The following UBQLN1 variants were observed in gnomAD, a reference collection of about 807,000 sequenced individuals.
UBQLN1 encodes the protein ubiquilin 1, also known as ubiquilin-1.
UBQLN1 carries 13 observed loss-of-function variants against 65.4 expected under a neutral mutation model. That is an observed-to-expected ratio of 0.20 (90% CI 0.13 to 0.32). UBQLN1 has a LOEUF of 0.32. Among genes scored for constraint, UBQLN1 ranks in the 10% least tolerant of loss-of-function variants. UBQLN1 has a pLI of 1.00. For synonymous variants in UBQLN1, 267 were observed against 247.8 expected (o/e 1.08, Z -0.73); for missense variants, 561 against 724.0 (o/e 0.77, Z 2.58).
rs1238786507 is a variant in UBQLN1 at position 83,707,711 on chromosome 9, G to T, written c.-32C>A. On this transcript the variant is annotated 5_prime_UTR_variant, in exon 1 of 11. Transcript: ENST00000376395. ...GGCGGCGGCGGCGGCGGTGACTCAG[G>T]CAAGCAGGAGGGAGCAGGCGAGCAA... 12 of 1,521,130 alleles carry T rather than the reference G, an allele frequency of 7.9e-6. No individual in the cohort carries two copies. Among genetic ancestry groups the T allele is most frequent in the Non-Finnish European group, 1.1e-5 (12 of 1,141,432 alleles). The allele number at this position is 1,521,130 out of a possible 1,614,324, so 94.2% of individuals were successfully genotyped here. A position where few individuals can be genotyped will look rare whatever the true frequency, so the allele number is the denominator to read the frequency against.
In UBQLN1 at chr9:83,686,133, C is replaced by T. The variant is rs150867100; in HGVS notation, c.203G>A (p.Arg68His). 5 of 1,581,960 alleles carry T rather than the reference C, an allele frequency of 3.2e-6. No homozygotes were observed. The highest frequency in any genetic ancestry group is 2.3e-5 in the South Asian group (2 of 86,166). ...AAGTTGGTCAGTATGTGATTTAAAA[C>T]GTTTAGAGATTTCTTCCTTAAACTA... The part of the protein sequence containing the change: ...VQQFKEEISK[R>H]FKSHTDQLVL... The change falls in exon 2 of 11, where the codon CGT (arginine) becomes CAT (histidine). Residue 68 changes from arginine (R) to histidine (H), a missense_variant. This residue lies in a region of UBQLN1 where 101 missense variants were observed against 104.9 expected (regional missense o/e 0.96). Coordinates refer to ENST00000376395, the MANE Select transcript of UBQLN1 (RefSeq NM_013438.5).
chr9:83,670,087 T>A (rs1300795015), intron 6 of UBQLN1, among the ~76,000 whole-genome samples: 1 of 152,176 alleles, frequency 6.6e-6, no homozygotes. Flanking sequence ...TTATGTGAAT[T>A]CCATATGTGA....
At chr9:83,664,880 C>A in intron 9 of UBQLN1, 150 bp downstream of exon 9, 1 of 565,624 alleles carries the variant, frequency 1.8e-6, no homozygotes, top group South Asian at 2.9e-5. Context: ...AACTGCGCCC[C>A]CACACTCATA....
At chr9:83,671,666 T>C (rs555108520) in intron 6 of UBQLN1, among the ~76,000 whole-genome samples, 1 of 152,182 alleles carries the variant, frequency 6.6e-6, no homozygotes, top group South Asian at 2.1e-4. Flanking sequence ...TCCAGGCTTT[T>C]TTTCTTTTTT....
intron 6 of UBQLN1, among the ~76,000 whole-genome samples, chr9:83,672,550 T>C (rs1283242201): frequency 2.0e-5 from 3 of 152,160 alleles, no homozygotes; most frequent in Non-Finnish European, 4.4e-5. Context: ...AGCCAGTCAG[T>C]TGAACAGTCA....
At chr9:83,671,959 T>C (rs1256472694) in intron 6 of UBQLN1, among the ~76,000 whole-genome samples, 1 of 152,244 alleles carries the variant, frequency 6.6e-6, no homozygotes, top group Admixed American at 6.5e-5. Flanking sequence ...TTAGGAGATC[T>C]TCTGGATAAC....
rs1832277853 is a variant in UBQLN1 at position 83,699,577 on chromosome 9, TCAAG to T, written c.180+7919_180+7922del. Reference sequence around the variant, plus strand: ...AGCCATGATCACTGAGCCATGGTGCTCAAGCAATCCTGCCACCTTGGCCCCGCAA... The same window carrying T: ...AGCCATGATCACTGAGCCATGGTGCTCAATCCTGCCACCTTGGCCCCGCAA... On this transcript the variant is annotated intron_variant, in intron 1 of 10. Coordinates refer to ENST00000376395, the MANE Select transcript of UBQLN1 (RefSeq NM_013438.5). Among the ~76,000 whole-genome samples, 3 of 152,194 alleles carry T rather than the reference TCAAG, an allele frequency of 2.0e-5. No individual in the cohort carries two copies. The South Asian group carries it at 6.2e-4, about 32-fold the overall frequency.
Position 83,707,430 on chromosome 9 carries a change from G to T in UBQLN1, c.180+70C>A, listed in dbSNP as rs1027583369. The T allele has an allele frequency of 2.1e-5, 31 of 1,490,316 alleles. No individual in the cohort carries two copies. In the African/African-American group the frequency reaches 4.0e-4, roughly 19 times the overall value. The allele number at this position is 1,490,316 out of a possible 1,614,324, so 92.3% of individuals were successfully genotyped here. A position where few individuals can be genotyped will look rare whatever the true frequency, so the allele number is the denominator to read the frequency against. On this transcript the variant is annotated intron_variant, in intron 1 of 10. Transcript: ENST00000376395. ...ACCCCTCTCCCAGGCCCTTCCAAAAGGTCTCCTGGGGCGGCGGGCGGAGGT... is the reference window on the plus strand; with the variant it reads ...ACCCCTCTCCCAGGCCCTTCCAAAATGTCTCCTGGGGCGGCGGGCGGAGGT...
At chr9:83,675,747 G>A (rs1831821352) in intron 6 of UBQLN1, among the ~76,000 whole-genome samples, 1 of 152,108 alleles carries the variant, frequency 6.6e-6, no homozygotes, top group African/African-American at 2.4e-5. Flanking sequence ...AAATGCTTTT[G>A]GAATGAGTAC....
At chr9:83,690,563 T>G (rs2131175170) in intron 1 of UBQLN1, among the ~76,000 whole-genome samples, 1 of 152,290 alleles carries the variant, frequency 6.6e-6, no homozygotes, top group South Asian at 2.1e-4. Context: ...AAAAGTTGGC[T>G]GTGAACTTTT....
chr9:83,673,806 A>ATTTGT (rs1191735889), intron 6 of UBQLN1, among the ~76,000 whole-genome samples: 1 of 152,074 alleles, frequency 6.6e-6, no homozygotes, highest in South Asian at 2.1e-4. Context: ...TCATACTGTT[A>ATTTGT]TTTGTTTTGT....
At chr9:83,705,859 TACAC>T (rs2131194833) in intron 1 of UBQLN1, among the ~76,000 whole-genome samples, 1 of 143,792 alleles carries the variant, frequency 7.0e-6, no homozygotes, top group South Asian at 2.2e-4. Flanking sequence ...CCCAGAAAAA[TACAC>T]ACAGTACTAT....
rs1234347058 is a variant in UBQLN1 at position 83,679,636 on chromosome 9, G to A, written c.711+139C>T. On this transcript the variant is annotated intron_variant, in intron 4 of 10. Coordinates refer to ENST00000376395, the MANE Select transcript of UBQLN1 (RefSeq NM_013438.5). ...GTTCAAACAGCCAAATTAGCGCTTT[G>A]TTGAGTTTTCTTAAACCAAGATAAG... is the stretch of plus-strand genomic sequence containing the variant. 7.8e-6 allele frequency: 7 copies of A among 892,430 alleles called. No homozygotes were observed. The East Asian group carries it at 1.9e-4, about 24-fold the overall frequency. The allele number at this position is 892,430 out of a possible 1,614,324, so 55.3% of individuals were successfully genotyped here. A position where few individuals can be genotyped will look rare whatever the true frequency, so the allele number is the denominator to read the frequency against.
At chr9:83,676,645 T>G (rs1341305110) in intron 6 of UBQLN1, among the ~76,000 whole-genome samples, 1 of 152,230 alleles carries the variant, frequency 6.6e-6, no homozygotes. Flanking sequence ...ATATCAACTG[T>G]GATCATTAAT....
intron 9 of UBQLN1, among the ~76,000 whole-genome samples, chr9:83,664,781 T>C (rs999556800): frequency 2.0e-5 from 3 of 151,118 alleles, no homozygotes; most frequent in African/African-American, 7.3e-5. Flanking sequence ...TAGCTAGGTG[T>C]GGTGGTGCAC....
chr9:83,680,142 C>CT, intron 3 of UBQLN1, 105 bp from the exon 4 acceptor site: 1 of 1,187,850 alleles, frequency 8.4e-7, no homozygotes. Flanking sequence ...ACCCAATAGT[C>CT]TATTACAAGA....
At chr9:83,702,571 ATT>A (rs1564174328) in intron 1 of UBQLN1, among the ~76,000 whole-genome samples, 1 of 152,224 alleles carries the variant, frequency 6.6e-6, no homozygotes, top group African/African-American at 2.4e-5. Flanking sequence ...GGTCAAATTA[ATT>A]TTGATATTTT....
At chr9:83,705,772 A>C (rs1832393224) in intron 1 of UBQLN1, among the ~76,000 whole-genome samples, 1 of 152,176 alleles carries the variant, frequency 6.6e-6, no homozygotes, top group African/African-American at 2.4e-5. Context: ...CACACTAATA[A>C]AAAGAAAGGA....
At chr9:83,662,082 T>C (rs535171413) in intron 10 of UBQLN1, 143 bp from the exon 11 acceptor site, 3 of 663,154 alleles carry the variant, frequency 4.5e-6, no homozygotes, top group Admixed American at 3.1e-5. Context: ...TTGAAACTTA[T>C]CCAACATATT....
Sources: allele counts gnomAD v4.1 joint callset (sites outside exome capture counted in the v4.1 genomes callset), GRCh38; gene constraint gnomAD v4.1.1; regional missense constraint gnomAD v4.1.1; transcripts MANE v1.5; gene names NCBI Gene and HGNC (gene_info 2026-07-23, HGNC 2026-07-21).